DNAH12: variants seen among roughly 807,000 people sequenced by gnomAD.
The protein encoded by DNAH12 is axonemal beta dynein heavy chain 12.
Under a neutral mutation model 371.5 loss-of-function variants are expected in DNAH12, and 285 were observed. The ratio of observed to expected loss-of-function variants is 0.77; its 90% CI spans 0.70 to 0.85. DNAH12 has a LOEUF of 0.85. DNAH12 is among the 40% of genes least tolerant of loss of function. The probability of loss-of-function intolerance (pLI) is 0.00; values close to 1 mark genes in which losing one functional copy is unlikely to be tolerated. For synonymous variants in DNAH12, 1,200 were observed against 1,213.0 expected, an observed-to-expected ratio of 0.99 and a Z score of 0.22; for missense variants, 3,611 against 3,689.4, an observed-to-expected ratio of 0.98 and a Z score of 0.55.
chr3:57,401,495 C>T (rs372239308), intron 43 of DNAH12, among the ~76,000 whole-genome samples: 2 of 136,598 alleles, frequency 1.5e-5, no homozygotes, highest in African/African-American at 2.8e-5. Flanking sequence ...ACCTGGGAGG[C>T]GAAGATTGCA....
intron 13 of DNAH12, among the ~76,000 whole-genome samples, chr3:57,479,410 G>A (rs2066655863): frequency 6.6e-6 from 1 of 152,172 alleles, no homozygotes; most frequent in Admixed American, 6.5e-5. Flanking sequence ...GGAGCACCCA[G>A]ATTCACAAAG....
At chr3:57,442,329 C>T (rs78276523) in intron 29 of DNAH12, among the ~76,000 whole-genome samples, 5,340 of 151,734 alleles carry the variant, frequency 0.035, 88 homozygotes, top group African/African-American at 0.045. Context: ...AATAACAATG[C>T]ATTGTGGTGT....
chr3:57,343,700 C>T (rs1283731883), intron 60 of DNAH12, among the ~76,000 whole-genome samples: 1 of 152,070 alleles, frequency 6.6e-6, no homozygotes, highest in Non-Finnish European at 1.5e-5. Context: ...AGAGGAAGGC[C>T]ACTGTCTCCT....
chr3:57,520,355 T>G (rs1008646659), intron 4 of DNAH12, among the ~76,000 whole-genome samples: 1 of 151,966 alleles, frequency 6.6e-6, no homozygotes, highest in Non-Finnish European at 1.5e-5. Flanking sequence ...CCTCCCAAAG[T>G]GCTTGGATTA....
rs759316623 is a variant in DNAH12 at position 57,309,225 on chromosome 3, T to C, written c.11115A>G (p.Ala3705=). Residue 3705 remains alanine (A), a synonymous_variant, in exon 69 of 74, where the codon GCA becomes GCG. Transcript: ENST00000495027. ...CATATCTCACAGGATACTTCCGTAG[T>C]GCCATTTCAATGTCGAAATCACTAG... is the stretch of plus-strand genomic sequence containing the variant. ...KLPSDFDIEM[A]LRKYPVRYEE... 52 of 1,549,780 alleles carry C rather than the reference T, an allele frequency of 3.4e-5. 1 individual carries two copies. In the South Asian group the frequency reaches 6.0e-4, roughly 18 times the overall value.
chr3:57,403,368 T>G lies in DNAH12; in HGVS notation c.6889A>C (p.Ile2297Leu), dbSNP rs1290994946. ...RLATSMAKMH[I>L]FQPEISKSYG... ...CTCTTAGAAATTTCTGGTTGGAAAA[T>G]ATGCATTTTTGCCATGGATGTAGCC... Residue 2297 changes from isoleucine (I) to leucine (L), a missense_variant, in exon 43 of 74, where the codon ATT becomes CTT. Transcript: ENST00000495027. 3.2e-6 allele frequency: 5 copies of G among 1,551,088 alleles called. No individual in the cohort carries two copies. The African/African-American group carries it at 5.5e-5, about 17-fold the overall frequency.
chr3:57,519,452 C>A (rs921521608), intron 4 of DNAH12, among the ~76,000 whole-genome samples: 32 of 152,304 alleles, frequency 2.1e-4, no homozygotes, highest in African/African-American at 7.2e-4. Flanking sequence ...TAGAAAGGAT[C>A]ATCTTTAATA....
At chr3:57,546,602 T>C (rs2069578804), upstream of DNAH12, among the ~76,000 whole-genome samples, 3 of 152,170 alleles carry the variant, frequency 2.0e-5, no homozygotes, top group African/African-American at 4.8e-5. Flanking sequence ...TTCAGCTTCC[T>C]AAAAGTGTTG....
chr3:57,471,293 AT>A (rs1393563073), intron 15 of DNAH12, among the ~76,000 whole-genome samples, 178 bp downstream of exon 15: 5 of 149,870 alleles, frequency 3.3e-5, no homozygotes, highest in Non-Finnish European at 7.4e-5. Context: ...ATATTTATGT[AT>A]TTTACTATAT....
At chr3:57,449,693 G>A (rs1230030247) in intron 25 of DNAH12, among the ~76,000 whole-genome samples, 3 of 152,194 alleles carry the variant, frequency 2.0e-5, no homozygotes, top group South Asian at 2.1e-4. Flanking sequence ...GCCCGCAAGC[G>A]CCGCACGCAG....
chr3:57,546,017 C>T (rs1207058019), upstream of DNAH12, among the ~76,000 whole-genome samples: 1 of 152,132 alleles, frequency 6.6e-6, no homozygotes, highest in Non-Finnish European at 1.5e-5. Flanking sequence ...CACTTCAGCT[C>T]CTGATTTGTC....
At chr3:57,418,444 G>A (rs1033398755) in intron 37 of DNAH12, among the ~76,000 whole-genome samples, 1 of 150,602 alleles carries the variant, frequency 6.6e-6, no homozygotes, top group Non-Finnish European at 1.5e-5. Context: ...AGAGGCTGAG[G>A]TGGGAGGATC....
intron 25 of DNAH12, among the ~76,000 whole-genome samples, chr3:57,448,330 GGC>G: frequency 1.3e-5 from 2 of 152,130 alleles, no homozygotes; most frequent in South Asian, 4.2e-4. Flanking sequence ...CAGCTCTTAA[GGC>G]AGCACGTCTG....
chr3:57,394,217 TCTC>T lies in DNAH12; in HGVS notation c.7061_7063del (p.Gly2354del), dbSNP rs2063691483. On this transcript the variant is annotated inframe_deletion, in exon 44 of 74. Transcript: ENST00000495027. ...ATCTGCTGCAAAAATGTTAGGCACTTCTCCTGTATTGAGCACACTGTCGATATC... is the reference window on the plus strand; with the variant it reads ...ATCTGCTGCAAAAATGTTAGGCACTTCTGTATTGAGCACACTGTCGATATC... The T allele has an allele frequency of 6.6e-6, 1 of 152,292 alleles. No individual in the cohort carries two copies. Among genetic ancestry groups the T allele is most frequent in the South Asian group, 2.1e-4 (1 of 4,824 alleles). The allele number at this position is 152,292 out of a possible 1,614,324, so 9.4% of individuals were successfully genotyped here.
chr3:57,371,086 C>T (rs2063160209), intron 55 of DNAH12, among the ~76,000 whole-genome samples: 1 of 152,140 alleles, frequency 6.6e-6, no homozygotes, highest in Admixed American at 6.6e-5. Context: ...ATACCACCTG[C>T]ATGACTGAGG....
intron 2 of DNAH12, among the ~76,000 whole-genome samples, chr3:57,536,965 C>A (rs1164058416): frequency 6.6e-6 from 1 of 152,210 alleles, no homozygotes; most frequent in East Asian, 1.9e-4. Context: ...CTTTGGGAGG[C>A]CAAGGCAGGT....
Position 57,507,638 on chromosome 3 carries a change from T to C in DNAH12, c.897+5A>G. ...TATCATTTAATATATATAAAGTGTA[T>C]GTACCTGATTTGACATAAGTGTGGA... On this transcript the variant is annotated splice_donor_5th_base_variant and intron_variant, in intron 8 of 73. Transcript: ENST00000495027. The C allele has an allele frequency of 6.3e-7, 1 of 1,585,426 alleles. No homozygotes were observed. The highest frequency in any genetic ancestry group is 8.5e-7 in the Non-Finnish European group (1 of 1,173,158).
At chr3:57,428,898 A>C (rs1282406911) in intron 33 of DNAH12, 77 bp from the exon 34 acceptor site, 1 of 1,349,890 alleles carries the variant, frequency 7.4e-7, no homozygotes, top group Non-Finnish European at 9.9e-7. Flanking sequence ...ATTTCTTAAG[A>C]TGACTTATGA....
intron 73 of DNAH12, among the ~76,000 whole-genome samples, chr3:57,295,249 C>A (rs1393341937): frequency 6.6e-6 from 1 of 152,282 alleles, no homozygotes; most frequent in Non-Finnish European, 1.5e-5. Flanking sequence ...GCTGTTCAAT[C>A]TGTGAACCCC....
Sources: gnomAD v4.1 joint callset for allele counts (sites outside exome capture counted in the v4.1 genomes callset) on GRCh38, gnomAD v4.1.1 for gene constraint, MANE v1.5 for transcripts, NCBI Gene and HGNC (gene_info 2026-07-23, HGNC 2026-07-21) for gene names.